The following RBBP7 variants were observed in gnomAD, a reference collection of about 807,000 sequenced individuals.
RBBP7 encodes the protein histone-binding protein RBBP7.
A neutral mutation model predicts 35.2 loss-of-function variants in RBBP7; 5 were observed. The observed-to-expected ratio is 0.14, with a 90% confidence interval of 0.07 to 0.30. The LOEUF (loss-of-function observed/expected upper bound fraction) is 0.30. RBBP7 is among the 10% of genes least tolerant of loss of function. RBBP7 has a pLI of 1.00. For missense variants in RBBP7, 155 were observed against 327.5 expected (o/e 0.47, Z 4.07); for synonymous variants, 140 against 118.7 (o/e 1.18, Z -1.17).
chrX:16,860,540 C>T (rs5924562), intron 3 of RBBP7, among the ~76,000 whole-genome samples: 56,243 of 107,824 alleles, frequency 0.52, 11,566 homozygotes, highest in East Asian at 0.85. Context: ...TACAAAAAAT[C>T]AGCTAGGTGT....
At chrX:16,846,431 T>TC (rs1400400342) in intron 10 of RBBP7, 2 of 111,808 alleles carry the variant, frequency 1.8e-5, no homozygotes, top group Non-Finnish European at 3.8e-5. Flanking sequence ...TTCTGGTTCT[T>TC]CCCCTCTCCA....
intron 5 of RBBP7, 87 bp from the exon 6 acceptor site, chrX:16,853,929 G>A: frequency 1.2e-6 from 1 of 817,921 alleles, no homozygotes; most frequent in Non-Finnish European, 1.6e-6. Flanking sequence ...GTCTCAGTCT[G>A]TCACCCAGGC....
Position 16,844,838 on chromosome X carries a change from C to T in RBBP7, c.*197G>A. On this transcript the variant is annotated 3_prime_UTR_variant, in exon 12 of 12. Coordinates refer to ENST00000380087, the MANE Select transcript of RBBP7 (RefSeq NM_002893.4). ...ATCAATGGTGATGTTCTTTCTTAAG[C>T]AACATTCTTCTCTTCCCTAATAGCT... 3.0e-6 allele frequency: 1 copy of T among 332,235 alleles called. No homozygotes were observed. The highest frequency in any genetic ancestry group is 4.5e-5 in the East Asian group (1 of 22,084). The allele number at this position is 332,235 out of a possible 1,213,427, so 27.4% of individuals were successfully genotyped here.
At chrX:16,868,100 T>C (rs980324804) in intron 2 of RBBP7, among the ~76,000 whole-genome samples, 5 of 111,861 alleles carry the variant, frequency 4.5e-5, no homozygotes, top group Non-Finnish European at 3.8e-5. Flanking sequence ...TGCTTGTTTT[T>C]TGTTTCTTTG....
Position 16,870,134 on chromosome X carries a change from G to A in RBBP7, c.-81C>T. 9.8e-7 allele frequency: 1 copy of A among 1,020,004 alleles called. No homozygotes were observed. Among genetic ancestry groups the A allele is most frequent in the South Asian group, 2.7e-5 (1 of 37,629 alleles). 84.1% of individuals were successfully genotyped at this position (1,020,004 alleles called of 1,213,427 possible). On this transcript the variant is annotated 5_prime_UTR_variant, in exon 1 of 12. Transcript: ENST00000380087. ...GAGCAGCCCGACCGCTGGCGCTCCT[G>A]CCTTTCCCAAGCGCGTCACACTCCC...
At chrX:16,861,589 C>T (rs780881741) in intron 3 of RBBP7, among the ~76,000 whole-genome samples, 28 of 112,054 alleles carry the variant, frequency 2.5e-4, no homozygotes, top group South Asian at 7.5e-4. Flanking sequence ...CTCAAGCGTT[C>T]CTCCTGCCTT....
At chrX:16,866,743 T>C (rs1930634723) in intron 2 of RBBP7, among the ~76,000 whole-genome samples, 1 of 109,682 alleles carries the variant, frequency 9.1e-6, no homozygotes, top group Admixed American at 9.8e-5. Flanking sequence ...GAGTCAGGCA[T>C]TGAGAATAGT....
intron 3 of RBBP7, among the ~76,000 whole-genome samples, chrX:16,861,507 C>G (rs1171679080): frequency 9.0e-6 from 1 of 111,167 alleles, no homozygotes; most frequent in Admixed American, 9.5e-5. Context: ...CCACACATGG[C>G]TGATTTTTAA....
Position 16,852,032 on chromosome X carries a change from G to A in RBBP7, c.1040+14C>T, listed in dbSNP as rs745833235. ...CACATTTATGCAGTATCTTGTCACA[G>A]GACTGTAAGTTACCTTAAATCCCAC... On this transcript the variant is annotated intron_variant, in intron 9 of 11. Transcript: ENST00000380087. 2.5e-6 allele frequency: 3 copies of A among 1,185,622 alleles called. No individual in the cohort carries two copies. The highest frequency in any genetic ancestry group is 3.6e-5 in the South Asian group (2 of 55,840).
chrX:16,863,375 T>C (rs942772655), intron 2 of RBBP7, among the ~76,000 whole-genome samples: 2 of 111,686 alleles, frequency 1.8e-5, no homozygotes, highest in Non-Finnish European at 3.8e-5. Context: ...CTACCTTTTA[T>C]AGAGCAGCAC....
intron 5 of RBBP7, among the ~76,000 whole-genome samples, chrX:16,855,488 T>C (rs758641215): frequency 8.9e-6 from 1 of 112,217 alleles, no homozygotes; most frequent in Non-Finnish European, 1.9e-5. Context: ...GTGTGTGAAC[T>C]GAAGAGAAAG....
At chrX:16,866,823 C>T (rs1930636780) in intron 2 of RBBP7, among the ~76,000 whole-genome samples, 1 of 110,631 alleles carries the variant, frequency 9.0e-6, no homozygotes, top group African/African-American at 3.3e-5. Flanking sequence ...CCCTGCAAAG[C>T]ACCACACAAC....
intron 1 of RBBP7, 34 bp from the exon 2 acceptor site, chrX:16,869,254 G>A (rs377386303): frequency 3.6e-5 from 43 of 1,186,160 alleles, no homozygotes; most frequent in Non-Finnish European, 4.8e-5. Flanking sequence ...CGATTAAGTG[G>A]CTGAGATAGA....
intron 3 of RBBP7, 133 bp from the exon 4 acceptor site, chrX:16,858,982 G>C (rs994473178): frequency 4.1e-5 from 40 of 974,058 alleles, no homozygotes; most frequent in Non-Finnish European, 3.9e-5. Flanking sequence ...ACAGAAACAT[G>C]CATAGAGAAA....
chrX:16,845,067 T>C lies in RBBP7; in HGVS notation c.1246A>G (p.Thr416Ala). Reference protein sequence around the residue: ...NIYNDEESDVTTSELEGQGS With the variant: ...NIYNDEESDVATSELEGQGS ...CCTTGTCCCTCCAGTTCGGATGTCGTGACATCTGACTCTTCATCATTGTAA... is the reference window on the plus strand; with the variant it reads ...CCTTGTCCCTCCAGTTCGGATGTCGCGACATCTGACTCTTCATCATTGTAA... Residue 416 changes from threonine to alanine, a missense_variant, in exon 12 of 12, where the codon ACG (threonine) becomes GCG (alanine). Thr to Ala is a moderately conservative substitution (Grantham distance 58). Transcript: ENST00000380087. The C allele has an allele frequency of 8.3e-7, 1 of 1,210,099 alleles. No homozygotes were observed. Among genetic ancestry groups the C allele is most frequent in the Non-Finnish European group, 1.1e-6 (1 of 893,988 alleles).
chrX:16,866,990 G>A (rs185701193), intron 2 of RBBP7, among the ~76,000 whole-genome samples: 212 of 111,796 alleles, frequency 1.9e-3, no homozygotes, highest in Non-Finnish European at 2.4e-3. Context: ...ACATTCCTAA[G>A]TATTACATAT....
Position 16,844,395 on chromosome X carries a change from G to T in RBBP7, c.*640C>A, listed in dbSNP as rs948575368. ...CAGCCCACGTCTTTCATGAGGATAC[G>T]AATTGTTAAGAGGCAGTCTCGTTTT... On this transcript the variant is annotated 3_prime_UTR_variant, in exon 12 of 12. Transcript: ENST00000380087. The T allele has an allele frequency of 8.9e-6, 1 of 112,259 alleles. No individual in the cohort carries two copies. The highest frequency in any genetic ancestry group is 3.2e-5 in the African/African-American group (1 of 30,860). The allele number at this position is 112,259 out of a possible 1,213,427, so 9.3% of individuals were successfully genotyped here.
chrX:16,845,879 A>G lies in RBBP7; in HGVS notation c.1158T>C (p.Pro386=). ...CCTCAGACACTGAGCAAATGACCCA[A>G]GGCTCATTGGGGTTCCAGCTAAAAT... ...ISDFSWNPNE[P]WVICSVSEDN... is the part of the protein sequence containing the mutation. Residue 386 remains proline (P), a synonymous_variant, in exon 11 of 12, where the codon CCT becomes CCC. Coordinates refer to ENST00000380087, the MANE Select transcript of RBBP7 (RefSeq NM_002893.4). 1 of 1,211,691 alleles carries G rather than the reference A, an allele frequency of 8.3e-7. No homozygotes were observed. Among genetic ancestry groups the G allele is most frequent in the Non-Finnish European group, 1.1e-6 (1 of 895,405 alleles).
chrX:16,868,522 G>C (rs1232148414), intron 2 of RBBP7, among the ~76,000 whole-genome samples: 2 of 112,706 alleles, frequency 1.8e-5, no homozygotes, highest in Admixed American at 9.4e-5. Context: ...ATTATTACCA[G>C]AGAAACTGCA....
Sources: gnomAD v4.1 joint callset for allele counts (sites outside exome capture counted in the v4.1 genomes callset) on GRCh38, gnomAD v4.1.1 for gene constraint, MANE v1.5 for transcripts, NCBI Gene and HGNC (gene_info 2026-07-23, HGNC 2026-07-21) for gene names.